Variants in TRERF1 observed in about 807,000 individuals in gnomAD.
TRERF1 encodes the protein transcriptional-regulating factor 1.
TRERF1 carries 27 observed loss-of-function variants against 122.9 expected under a neutral mutation model. The observed-to-expected ratio is 0.22, with a 90% CI of 0.16 to 0.30. The LOEUF (loss-of-function observed/expected upper bound fraction) is 0.30, where lower values mean the gene tolerates loss of function less well. Among genes scored for constraint, TRERF1 ranks in the 10% least tolerant of loss-of-function variants. The pLI, the probability that TRERF1 is intolerant of heterozygous loss-of-function variation, is 1.00. For missense variants in TRERF1, 1,248 were observed against 1,560.3 expected (o/e 0.80, Z 3.37); for synonymous variants, 636 against 641.7 (o/e 0.99, Z 0.13).
intron 2 of TRERF1, among the ~76,000 whole-genome samples, chr6:42,437,973 G>A (rs1290166527): frequency 6.6e-6 from 1 of 151,820 alleles, no homozygotes; most frequent in East Asian, 2.0e-4. Context: ...CCAGGTTCGA[G>A]TGCAATGGCG....
At chr6:42,234,511 T>C (rs1474852835) in intron 16 of TRERF1, among the ~76,000 whole-genome samples, 1 of 152,078 alleles carries the variant, frequency 6.6e-6, no homozygotes, top group Non-Finnish European at 1.5e-5. Flanking sequence ...GTAAGTTTTG[T>C]ATTTTTAGTA....
intron 13 of TRERF1, among the ~76,000 whole-genome samples, chr6:42,250,831 C>T (rs1292376319): frequency 6.6e-6 from 1 of 152,108 alleles, no homozygotes; most frequent in Non-Finnish European, 1.5e-5. Context: ...TGCTGGGAAA[C>T]AGGCTCTGGA....
At chr6:42,225,557 GT>G (rs1443944199) in exon 18 of TRERF1, 1 of 151,632 alleles carries the variant, frequency 6.6e-6, no homozygotes, top group African/African-American at 2.4e-5. Context: ...GGAAAATACA[GT>G]TAAGCACACT....
chr6:42,349,024 A>G (rs373337845), intron 3 of TRERF1, among the ~76,000 whole-genome samples: 2 of 152,168 alleles, frequency 1.3e-5, no homozygotes, highest in Non-Finnish European at 2.9e-5. Flanking sequence ...TATAGTTGAA[A>G]TGAGGTAGTG....
chr6:42,443,193 T>A (rs1429665945), intron 2 of TRERF1, among the ~76,000 whole-genome samples: 1 of 152,232 alleles, frequency 6.6e-6, no homozygotes, highest in Non-Finnish European at 1.5e-5. Context: ...AGCCCCATTA[T>A]CCACAGGTGT....
At chr6:42,342,575 A>AG (rs1554181642) in intron 3 of TRERF1, among the ~76,000 whole-genome samples, 2 of 152,166 alleles carry the variant, frequency 1.3e-5, no homozygotes, top group Non-Finnish European at 2.9e-5. Flanking sequence ...AGGCTCAAAA[A>AG]AAAAGAAAAG....
intron 3 of TRERF1, among the ~76,000 whole-genome samples, chr6:42,352,873 A>C (rs1769733207): frequency 6.6e-6 from 1 of 152,262 alleles, no homozygotes; most frequent in African/African-American, 2.4e-5. Context: ...TTATACATTT[A>C]AAATATTGTG....
Position 42,268,011 on chromosome 6 carries a change from C to G in TRERF1, c.1437+143G>C. On this transcript the variant is annotated intron_variant, in intron 5 of 17. Transcript: ENST00000372922. This position sits in a 1 kb window ranked among gnomAD's most constrained non-coding sequence, Gnocchi z 4.4. Reference sequence around the variant, plus strand: ...TTCCAAGTGCTTGGCACAGACAGTGCGTGACACATGTAGGTTAATGTTTGT... The same window carrying G: ...TTCCAAGTGCTTGGCACAGACAGTGGGTGACACATGTAGGTTAATGTTTGT... 1 of 1,031,028 alleles carries G rather than the reference C, an allele frequency of 9.7e-7. No individual in the cohort carries two copies. Among genetic ancestry groups the G allele is most frequent in the Non-Finnish European group, 1.3e-6 (1 of 771,466 alleles). 63.9% of individuals were successfully genotyped at this position (1,031,028 alleles called of 1,614,324 possible).
intron 17 of TRERF1, among the ~76,000 whole-genome samples, chr6:42,229,508 T>A (rs1342027946): frequency 6.6e-6 from 1 of 152,190 alleles, no homozygotes; most frequent in Non-Finnish European, 1.5e-5. Flanking sequence ...CTTCTTCCTC[T>A]CCAAGTGGAC....
At chr6:42,331,999 G>A (rs537393267) in intron 3 of TRERF1, among the ~76,000 whole-genome samples, 187 of 152,314 alleles carry the variant, frequency 1.2e-3, no homozygotes, top group African/African-American at 4.3e-3. Context: ...CTACAGTACG[G>A]TGGTGTGATC....
chr6:42,374,048 G>A (rs529550358), intron 2 of TRERF1, among the ~76,000 whole-genome samples: 1 of 151,566 alleles, frequency 6.6e-6, no homozygotes, highest in Admixed American at 6.6e-5. Context: ...CAGGAGAATT[G>A]CTTGAACCAG....
At chr6:42,436,026 A>G in intron 2 of TRERF1, among the ~76,000 whole-genome samples, 1 of 152,080 alleles carries the variant, frequency 6.6e-6, no homozygotes, top group South Asian at 2.1e-4. Context: ...AGTGCCCCGT[A>G]CACAGTAGGC....
intron 2 of TRERF1, among the ~76,000 whole-genome samples, chr6:42,413,324 GGTAT>G (rs1275202730): frequency 6.6e-6 from 1 of 151,986 alleles, no homozygotes; most frequent in Non-Finnish European, 1.5e-5. Flanking sequence ...TGGAGGAACA[GGTAT>G]CATTTTCTCT....
At chr6:42,426,840 C>A (rs1783698715) in intron 2 of TRERF1, among the ~76,000 whole-genome samples, 1 of 152,154 alleles carries the variant, frequency 6.6e-6, no homozygotes, top group South Asian at 2.1e-4. Context: ...GTTTGCCAAT[C>A]TTTGATCTAA....
At chr6:42,359,204 T>C (rs757876590) in intron 3 of TRERF1, among the ~76,000 whole-genome samples, 41 of 152,116 alleles carry the variant, frequency 2.7e-4, no homozygotes, top group Non-Finnish European at 5.4e-4. Flanking sequence ...TTCTGAGAGG[T>C]CAGCCCTGTG....
intron 3 of TRERF1, among the ~76,000 whole-genome samples, chr6:42,307,066 C>T (rs995377049): frequency 1.3e-5 from 2 of 152,222 alleles, no homozygotes; most frequent in Non-Finnish European, 2.9e-5. Context: ...CTGAGACCGC[C>T]GACTTGAAGA....
At chr6:42,316,195 C>T (rs551906282) in intron 3 of TRERF1, among the ~76,000 whole-genome samples, 7 of 152,222 alleles carry the variant, frequency 4.6e-5, no homozygotes, top group Non-Finnish European at 7.4e-5. Context: ...GACTCTGGCA[C>T]GCAGTTAACC....
At position 42,408,865 on chromosome 6, in the gene TRERF1, T is replaced by C. The variant is rs147591184; in HGVS notation, c.-454+42312A>G. Among the ~76,000 whole-genome samples, 610 of 152,338 alleles carry C rather than the reference T, an allele frequency of 4.0e-3. 7 individuals are homozygous for C. The highest frequency in any genetic ancestry group is 0.014 in the African/African-American group (576 of 41,574). On this transcript the variant is annotated intron_variant, in intron 2 of 17. Coordinates refer to ENST00000372922, the Ensembl canonical transcript of TRERF1. ...CTAACTTTTTAATACATCTAAAATT[T>C]ATAACATATGATGTGAGATATAAAT...
In TRERF1 at chr6:42,347,819, C is replaced by T. The variant is rs78036947; in HGVS notation, c.-371+15178G>A. ...AACTGTGGGACACAGAACTTCAGCA[C>T]AAGGAGCAACAGAGCTGGACAAAGT... On this transcript the variant is annotated intron_variant, in intron 3 of 17. Coordinates refer to ENST00000372922, the Ensembl canonical transcript of TRERF1. Among the ~76,000 whole-genome samples, 680 of 152,308 alleles carry T rather than the reference C, an allele frequency of 4.5e-3. 3 individuals are homozygous for T. The highest frequency in any genetic ancestry group is 0.015 in the African/African-American group (630 of 41,570).
Sources: gnomAD v4.1 joint callset for allele counts (sites outside exome capture counted in the v4.1 genomes callset) on GRCh38, gnomAD v4.1.1 for gene constraint, Gnocchi (gnomAD v3.1) non-coding constraint, MANE v1.5 for transcripts, NCBI Gene and HGNC (gene_info 2026-07-23, HGNC 2026-07-21) for gene names.